FAT3: variants seen among roughly 807,000 people sequenced by gnomAD.
The protein encoded by FAT3 is FAT atypical cadherin 3.
In FAT3, 95 loss-of-function variants were observed where a neutral mutation model predicts 310.2. That is an observed-to-expected ratio of 0.31 (90% CI 0.26 to 0.36). The LOEUF is 0.36. Ranked by LOEUF, FAT3 falls within the 10% of genes least tolerant of loss-of-function variation. The probability of loss-of-function intolerance (pLI) is 1.00; values close to 1 mark genes in which losing one functional copy is unlikely to be tolerated. For synonymous variants in FAT3, 2,314 were observed against 2,192.9 expected (o/e 1.06, Z -1.54); for missense variants, 5,408 against 5,715.6 (o/e 0.95, Z 1.74).
chr11:92,401,274 C>T (rs1217999230), intron 2 of FAT3, among the ~76,000 whole-genome samples: 1 of 152,062 alleles, frequency 6.6e-6, no homozygotes, highest in Non-Finnish European at 1.5e-5. Flanking sequence ...ACAGGCTTTT[C>T]CCCCTGGAAC....
At chr11:92,851,626 T>C (rs1591814670) in intron 19 of FAT3, among the ~76,000 whole-genome samples, 1 of 152,182 alleles carries the variant, frequency 6.6e-6, no homozygotes, top group East Asian at 1.9e-4. Flanking sequence ...CATCTGATCC[T>C]GCCCTGACAT....
chr11:92,576,710 AGGATTCCACC>A (rs1938502978), intron 3 of FAT3, among the ~76,000 whole-genome samples: 1 of 152,186 alleles, frequency 6.6e-6, no homozygotes, highest in Non-Finnish European at 1.5e-5. Flanking sequence ...GATAGAAAGG[AGGATTCCACC>A]TTGCTGCACA....
At chr11:92,640,338 T>C (rs1353663059) in intron 3 of FAT3, among the ~76,000 whole-genome samples, 22 of 152,058 alleles carry the variant, frequency 1.4e-4, no homozygotes, top group Admixed American at 1.4e-3. Flanking sequence ...CTGCTGAACA[T>C]GATGTTTGCT....
chr11:92,789,397 T>G (rs2136153763), intron 7 of FAT3, among the ~76,000 whole-genome samples: 1 of 152,218 alleles, frequency 6.6e-6, no homozygotes, highest in East Asian at 1.9e-4. Context: ...TTGGGAAACT[T>G]CGTACCTTAG....
At chr11:92,255,362 A>T (rs1288748062) in intron 1 of FAT3, among the ~76,000 whole-genome samples, 1 of 150,722 alleles carries the variant, frequency 6.6e-6, no homozygotes, top group Non-Finnish European at 1.5e-5. Flanking sequence ...AAAAGGAAAA[A>T]CTCTCAGTAG....
chr11:92,620,660 A>G (rs1941044919), intron 3 of FAT3, among the ~76,000 whole-genome samples: 1 of 152,184 alleles, frequency 6.6e-6, no homozygotes, highest in Non-Finnish European at 1.5e-5. Context: ...AAAAAAAATT[A>G]TATTTTTAAT....
intron 3 of FAT3, among the ~76,000 whole-genome samples, chr11:92,548,583 T>C (rs888549654): frequency 1.3e-5 from 2 of 152,246 alleles, no homozygotes; most frequent in Non-Finnish European, 2.9e-5. Context: ...TTTAGGGCAC[T>C]TATAACAATT....
At chr11:92,889,681 GT>G (rs1949871711) in intron 26 of FAT3, among the ~76,000 whole-genome samples, 174 bp from the exon 27 acceptor site, 1 of 152,086 alleles carries the variant, frequency 6.6e-6, no homozygotes, top group Non-Finnish European at 1.5e-5. Context: ...TATCTGTTTT[GT>G]TTTGCTTTGT....
intron 1 of FAT3, among the ~76,000 whole-genome samples, chr11:92,284,628 G>A (rs2845879): frequency 0.7 from 106,223 of 151,910 alleles, 37,369 homozygotes; most frequent in African/African-American, 0.77. Context: ...CAACCTTAGG[G>A]CACACTGCGT....
chr11:92,557,909 A>G (rs1360092192), intron 3 of FAT3, among the ~76,000 whole-genome samples: 1 of 152,242 alleles, frequency 6.6e-6, no homozygotes, highest in Admixed American at 6.5e-5. Flanking sequence ...AAGATTCACC[A>G]GGATTGCCTT....
At chr11:92,605,456 A>C (rs1940227663) in intron 3 of FAT3, among the ~76,000 whole-genome samples, 1 of 152,096 alleles carries the variant, frequency 6.6e-6, no homozygotes, top group East Asian at 1.9e-4. Flanking sequence ...GACAGACATG[A>C]CCTCTGCCCT....
intron 4 of FAT3, among the ~76,000 whole-genome samples, chr11:92,737,873 C>G (rs1344233588): frequency 6.6e-6 from 1 of 152,078 alleles, no homozygotes; most frequent in Non-Finnish European, 1.5e-5. Flanking sequence ...TTCCTCCTCC[C>G]TGCCATCCTT....
At chr11:92,822,291 C>G (rs1461139257) in intron 13 of FAT3, among the ~76,000 whole-genome samples, 2 of 151,828 alleles carry the variant, frequency 1.3e-5, no homozygotes, top group African/African-American at 4.8e-5. Flanking sequence ...CATGTGCTAC[C>G]TCATTTGTAG....
chr11:92,340,573 G>T (rs1284024520), intron 1 of FAT3, among the ~76,000 whole-genome samples: 4 of 152,200 alleles, frequency 2.6e-5, no homozygotes, highest in Non-Finnish European at 5.9e-5. Flanking sequence ...GAGGGGATTG[G>T]AGGAGCAAAA....
rs902414097 is a variant in FAT3, at chr11:92,492,683, G to A, written c.3293-31951G>A. ...CAGCCCAACATAATTGATACCACAT[G>A]GTCCCAACATCTAAATCTGGTACCA... On this transcript the variant is annotated intron_variant, in intron 2 of 27. Coordinates refer to ENST00000525166, the MANE Select transcript of FAT3 (RefSeq NM_001367949.2). Among the ~76,000 whole-genome samples, 10 of 151,986 alleles carry A rather than the reference G, an allele frequency of 6.6e-5. 1 individual carries two copies. The highest frequency in any genetic ancestry group is 6.6e-4 in the Admixed American group (10 of 15,242).
chr11:92,473,891 A>G (rs1478086713), intron 2 of FAT3, among the ~76,000 whole-genome samples: 1 of 152,220 alleles, frequency 6.6e-6, no homozygotes, highest in Non-Finnish European at 1.5e-5. Context: ...TGGAAAGATG[A>G]CTAAAGTGAC....
At chr11:92,680,206 C>T (rs1396072559) in intron 3 of FAT3, among the ~76,000 whole-genome samples, 1 of 150,952 alleles carries the variant, frequency 6.6e-6, no homozygotes, top group African/African-American at 2.4e-5. Flanking sequence ...GAAGAGTTTT[C>T]TTTAGGTTTT....
intron 2 of FAT3, among the ~76,000 whole-genome samples, chr11:92,512,088 C>A (rs964962949): frequency 6.6e-6 from 1 of 152,014 alleles, no homozygotes. Flanking sequence ...CCAGGCCTGA[C>A]TTTGCCACTT....
At chr11:92,683,297 A>G (rs77547257) in intron 3 of FAT3, among the ~76,000 whole-genome samples, 3,786 of 152,272 alleles carry the variant, frequency 0.025, 153 homozygotes, top group African/African-American at 0.086. Context: ...GCATGCCCCT[A>G]AAGGAAAGGA....
Sources: allele counts gnomAD v4.1 joint callset (sites outside exome capture counted in the v4.1 genomes callset), GRCh38; gene constraint gnomAD v4.1.1; transcripts MANE v1.5; gene names NCBI Gene and HGNC (gene_info 2026-07-23, HGNC 2026-07-21).